The following XPC variants were observed in gnomAD, a reference collection of about 807,000 sequenced individuals.
The protein encoded by XPC is XPC complex subunit, DNA damage recognition and repair factor, also known as DNA repair protein complementing XP-C cells.
Under a neutral mutation model 95.8 loss-of-function variants are expected in XPC, and 76 were observed. The ratio of observed to expected loss-of-function variants is 0.79; its 90% CI spans 0.66 to 0.96. The LOEUF is 0.96. XPC is among the 40% of genes least tolerant of loss of function. The pLI is 0.00. For missense variants in XPC, 1,146 were observed against 1,179.8 expected, an observed-to-expected ratio of 0.97 and a Z score of 0.42; for synonymous variants, 442 against 442.1, an observed-to-expected ratio of 1.00 and a Z score of 0.00.
chr3:14,168,498 C>G (rs1409249046), intron 3 of XPC, 118 bp from the exon 4 acceptor site: 13 of 1,276,892 alleles, frequency 1.0e-5, no homozygotes, highest in Non-Finnish European at 1.4e-5. Flanking sequence ...GTGAGGGAGA[C>G]AGCCCACAGA....
intron 7 of XPC, among the ~76,000 whole-genome samples, chr3:14,162,958 GAACA>G (rs751192815): frequency 3.9e-5 from 6 of 152,072 alleles, no homozygotes; most frequent in Non-Finnish European, 8.8e-5. Context: ...GCAAATACTT[GAACA>G]GACATGTCCT....
chr3:14,148,371 T>A (rs928171804), intron 13 of XPC, 191 bp downstream of exon 13: 5 of 762,626 alleles, frequency 6.6e-6, no homozygotes, highest in South Asian at 2.0e-5. Context: ...GCCAGTTTCA[T>A]TGGCTCCGTT....
intron 10 of XPC, chr3:14,152,809 T>C: frequency 5.6e-6 from 1 of 179,674 alleles, no homozygotes. Flanking sequence ...GCTGAGGCTC[T>C]GATCTGCTGT....
intron 10 of XPC, among the ~76,000 whole-genome samples, chr3:14,154,202 G>T (rs571971349): frequency 6.2e-4 from 94 of 152,306 alleles, no homozygotes; most frequent in African/African-American, 2.2e-3. Context: ...AATGTAAAAT[G>T]GGTGCAGCTG....
chr3:14,147,596 C>G, intron 14 of XPC: 1 of 613,480 alleles, frequency 1.6e-6, no homozygotes, highest in South Asian at 2.1e-5. Context: ...TTAATCGTTA[C>G]TGACTCCAAA....
intron 7 of XPC, among the ~76,000 whole-genome samples, chr3:14,160,225 G>A (rs1236605738): frequency 6.6e-6 from 1 of 152,130 alleles, no homozygotes; most frequent in African/African-American, 2.4e-5. Context: ...TAGTCAATAT[G>A]TGTTGCGTTT....
intron 8 of XPC, among the ~76,000 whole-genome samples, chr3:14,159,244 A>G (rs1463029761): frequency 6.6e-6 from 1 of 152,250 alleles, no homozygotes; most frequent in African/African-American, 2.4e-5. Flanking sequence ...TTTCCTCAGC[A>G]GTACTACTAC....
rs180959805 is a variant in XPC at position 14,147,466 on chromosome 3, C to T, written c.2515-87G>A. 1.4e-5 allele frequency: 17 copies of T among 1,237,512 alleles called. No homozygotes were observed. In the Admixed American group the frequency reaches 3.7e-4, roughly 27 times the overall value. 76.7% of individuals were successfully genotyped at this position (1,237,512 alleles called of 1,614,324 possible). On this transcript the variant is annotated intron_variant, in intron 14 of 15. Coordinates refer to ENST00000285021, the MANE Select transcript of XPC (RefSeq NM_004628.5). ...AAGATGGAAACTGTGAATGTAAAGACAGATATATACACCACTTTAGAATAT... is the reference window on the plus strand; with the variant it reads ...AAGATGGAAACTGTGAATGTAAAGATAGATATATACACCACTTTAGAATAT...
intron 4 of XPC, 24 bp downstream of exon 4, chr3:14,168,233 C>T: frequency 1.3e-6 from 2 of 1,593,220 alleles, no homozygotes; most frequent in Non-Finnish European, 8.5e-7. Context: ...TGACAGGAGC[C>T]TAGAAGCAAG....
At chr3:14,178,275 C>A (rs1474424438) in intron 1 of XPC, 191 bp downstream of exon 1, 2 of 633,044 alleles carry the variant, frequency 3.2e-6, no homozygotes, top group Non-Finnish European at 5.1e-6. Flanking sequence ...CGGGAAACCG[C>A]TCTGGGTGCG....
chr3:14,146,964 G>A (rs1376838057), intron 15 of XPC, among the ~76,000 whole-genome samples: 1 of 152,254 alleles, frequency 6.6e-6, no homozygotes, highest in African/African-American at 2.4e-5. Context: ...AACACTGGAA[G>A]GCGGAAGGGT....
In XPC at chr3:14,158,151, C is replaced by A. The variant is rs1330047294; in HGVS notation, c.1732G>T (p.Val578Phe). The A allele has an allele frequency of 2.5e-6, 4 of 1,613,870 alleles. No homozygotes were observed. The highest frequency in any genetic ancestry group is 3.4e-6 in the Non-Finnish European group (4 of 1,179,902). The change falls in exon 9 of 16, where the codon GTC (valine) becomes TTC (phenylalanine). Residue 578 changes from valine to phenylalanine, a missense_variant. Val to Phe is a conservative substitution (Grantham distance 50). Transcript: ENST00000285021. The surrounding 1 kb of genome is among the most constrained non-coding windows in gnomAD (Gnocchi z 5.2). ...YVVGIDSDGW[V>F]RDVTQRYDPV... is the part of the protein sequence containing the mutation. ...TCGTACCTCTGTGTGACATCTCGGA[C>A]CCAGCCGTCACTGTCAATGCCCACC...
intron 1 of XPC, among the ~76,000 whole-genome samples, chr3:14,174,361 T>C (rs892588487): frequency 1.3e-5 from 2 of 149,636 alleles, no homozygotes; most frequent in Admixed American, 6.6e-5. Flanking sequence ...AAAATCAAGA[T>C]TTCTGGATCT....
chr3:14,172,952 TTGCTGGACCATC>T lies in XPC; in HGVS notation c.202_213del (p.Asp68_Ala71del). On this transcript the variant is annotated inframe_deletion, in exon 2 of 16. Coordinates refer to ENST00000285021, the MANE Select transcript of XPC (RefSeq NM_004628.5). ...ACAGTCACCTTGGCCACTTTCTTTTTTGCTGGACCATCTGCTGAACCCCCAGGATGACTGCAG... is the reference window on the plus strand; with the variant it reads ...ACAGTCACCTTGGCCACTTTCTTTTTTGCTGAACCCCCAGGATGACTGCAG... 2 of 1,614,028 alleles carry T rather than the reference TTGCTGGACCATC, an allele frequency of 1.2e-6. No individual in the cohort carries two copies.
chr3:14,159,956 G>T, intron 7 of XPC, 126 bp from the exon 8 acceptor site: 1 of 859,872 alleles, frequency 1.2e-6, no homozygotes. Context: ...CTGTCTAACA[G>T]TAGGCGACGG....
chr3:14,157,653 G>C (rs1287120268), intron 9 of XPC, among the ~76,000 whole-genome samples: 1 of 152,148 alleles, frequency 6.6e-6, no homozygotes, highest in African/African-American at 2.4e-5. Flanking sequence ...CGCATGATGG[G>C]GGAGGGGGGA....
rs762684754 is a variant in XPC, at chr3:14,172,978, G to A, written c.188C>T (p.Pro63Leu). 9.9e-6 allele frequency: 16 copies of A among 1,613,690 alleles called. No homozygotes were observed. The highest frequency in any genetic ancestry group is 4.5e-5 in the East Asian group (2 of 44,892). Residue 63 changes from proline to leucine, a missense_variant, in exon 2 of 16, where the codon CCT (proline) becomes CTT (leucine). By Grantham distance (98) the Pro-to-Leu change is moderately conservative (BLOSUM62 -3). Coordinates refer to ENST00000285021, the MANE Select transcript of XPC (RefSeq NM_004628.5). ...TGCTGGACCATCTGCTGAACCCCCA[G>A]GATGACTGCAGCCTCTTTTCCTCTT... The part of the protein sequence containing the change: ...QGKRKRGCSH[P>L]GGSADGPAKK...
Position 14,146,154 on chromosome 3 carries a change from C to A in XPC, c.2610G>T (p.Glu870Asp), listed in dbSNP as rs1372464462. Residue 870 changes from glutamate to aspartate, a missense_variant, in exon 16 of 16, where the codon GAG (glutamate) becomes GAT (aspartate). Physicochemically the swap from Glu to Asp is conservative, Grantham distance 45. Coordinates refer to ENST00000285021, the MANE Select transcript of XPC (RefSeq NM_004628.5). The part of the protein sequence containing the change: ...RLKRRYGPKS[E>D]AAAPHTDAGG... ...CTGCATCTGTGTGGGGAGCTGCTGC[C>A]TCACTCTGGACAGGTGGCAGTGGTG... is the stretch of plus-strand genomic sequence containing the variant. 1.9e-6 allele frequency: 3 copies of A among 1,607,006 alleles called. No homozygotes were observed. The highest frequency in any genetic ancestry group is 2.5e-6 in the Non-Finnish European group (3 of 1,177,826).
At chr3:14,157,882 G>C (rs992267894) in intron 9 of XPC, 129 bp downstream of exon 9, 4 of 1,321,132 alleles carry the variant, frequency 3.0e-6, no homozygotes, top group Non-Finnish European at 4.1e-6. Context: ...TTATATGGCT[G>C]TGACAATTAA....
Sources: allele counts gnomAD v4.1 joint callset (sites outside exome capture counted in the v4.1 genomes callset), GRCh38; gene constraint gnomAD v4.1.1; non-coding constraint Gnocchi (gnomAD v3.1); transcripts MANE v1.5; gene names NCBI Gene and HGNC (gene_info 2026-07-23, HGNC 2026-07-21).